MB21D2: variants seen among roughly 807,000 people sequenced by gnomAD.
MB21D2 encodes the protein nucleotidyltransferase MB21D2.
A neutral mutation model predicts 33.3 loss-of-function variants in MB21D2; 9 were observed. The ratio of observed to expected loss-of-function variants is 0.27; its 90% CI spans 0.16 to 0.47. The LOEUF (loss-of-function observed/expected upper bound fraction) is 0.47. Ranked by LOEUF, MB21D2 falls within the 20% of genes least tolerant of loss-of-function variation. The pLI is 0.99. For synonymous variants in MB21D2, 241 were observed against 236.3 expected (o/e 1.02, Z -0.18); for missense variants, 540 against 624.6 (o/e 0.86, Z 1.44).
At chr3:192,914,114 T>A (rs546512012) in intron 1 of MB21D2, among the ~76,000 whole-genome samples, 3 of 152,162 alleles carry the variant, frequency 2.0e-5, no homozygotes, top group African/African-American at 7.2e-5. Context: ...TAGTCTCAAG[T>A]AGGAGAAGAG....
intron 1 of MB21D2, among the ~76,000 whole-genome samples, chr3:192,811,088 T>TA (rs1711779145): frequency 6.6e-6 from 1 of 152,130 alleles, no homozygotes; most frequent in African/African-American, 2.4e-5. Flanking sequence ...GCAGGGGAGT[T>TA]AATGCAAGAG....
Position 192,828,653 on chromosome 3 carries a change from T to C in MB21D2, c.212-29003A>G, listed in dbSNP as rs1237861078. On this transcript the variant is annotated intron_variant, in intron 1 of 1. Coordinates refer to ENST00000392452, the MANE Select transcript of MB21D2 (RefSeq NM_178496.4). ...ATATATATATATATATATATATATA[T>C]ATATATATATTTTGAGACGGAGTCT... 3.1e-4 allele frequency among the ~76,000 whole-genome samples: 15 copies of C among 47,880 alleles called. 2 individuals are homozygous for C. The East Asian group carries it at 3.5e-3, about 11-fold the overall frequency. 31.4% of individuals were successfully genotyped at this position (47,880 alleles called of 152,430 possible).
intron 1 of MB21D2, among the ~76,000 whole-genome samples, chr3:192,882,126 T>C (rs1713609159): frequency 6.6e-6 from 1 of 152,150 alleles, no homozygotes. Flanking sequence ...AAACTGACAT[T>C]TAGTAATTTT....
At chr3:192,867,217 C>G (rs980405267) in intron 1 of MB21D2, among the ~76,000 whole-genome samples, 44 of 152,050 alleles carry the variant, frequency 2.9e-4, no homozygotes, top group Non-Finnish European at 3.4e-4. Context: ...ACCCCGACCT[C>G]CACACACCTC....
chr3:192,800,164 A>G (rs758633371), intron 1 of MB21D2, among the ~76,000 whole-genome samples: 6 of 152,072 alleles, frequency 3.9e-5, no homozygotes, highest in Non-Finnish European at 7.4e-5. Context: ...TCTTCTTTGT[A>G]CCAGCGGTTC....
intron 1 of MB21D2, among the ~76,000 whole-genome samples, chr3:192,898,509 C>A (rs1304319866): frequency 1.3e-5 from 2 of 152,136 alleles, no homozygotes; most frequent in Non-Finnish European, 2.9e-5. Flanking sequence ...CAAAACACAT[C>A]AAGGTATATA....
intron 1 of MB21D2, among the ~76,000 whole-genome samples, chr3:192,818,043 C>G (rs62293189): frequency 0.088 from 13,395 of 151,880 alleles, 627 homozygotes; most frequent in Middle Eastern, 0.14. Context: ...TGTGCCCTCC[C>G]TCCTTGCCTG....
At chr3:192,854,290 C>T (rs1186888344) in intron 1 of MB21D2, among the ~76,000 whole-genome samples, 1 of 152,178 alleles carries the variant, frequency 6.6e-6, no homozygotes, top group Non-Finnish European at 1.5e-5. Context: ...AGTTAAACAG[C>T]ATTGTTGTTA....
chr3:192,804,206 T>C (rs1711612730), intron 1 of MB21D2, among the ~76,000 whole-genome samples: 1 of 152,210 alleles, frequency 6.6e-6, no homozygotes, highest in Non-Finnish European at 1.5e-5. Context: ...ACTTATGTTC[T>C]AGTGAATAAA....
At position 192,799,161 on chromosome 3, in the gene MB21D2, T is replaced by C; in HGVS notation, c.701A>G (p.Asp234Gly). The C allele has an allele frequency of 6.2e-7, 1 of 1,614,162 alleles. No homozygotes were observed. Among genetic ancestry groups the C allele is most frequent in the Non-Finnish European group, 8.5e-7 (1 of 1,180,028 alleles). Residue 234 changes from aspartate (D) to glycine (G), a missense_variant, in exon 2 of 2, where the codon GAT becomes GGT. By Grantham distance (94) the Asp-to-Gly change is moderately conservative. Transcript: ENST00000392452. The surrounding 1 kb of genome is among the most constrained non-coding windows in gnomAD (Gnocchi z 4.1). ...LGVGSSRMLYDIVPVVSFKGW... is the reference protein window; with the variant it reads ...LGVGSSRMLYGIVPVVSFKGW... The stretch of plus-strand genomic sequence containing the variant: ...TTTGAAAGATACCACAGGGACAATA[T>C]CATACAACATGCGACTACTCCCTAC...
At chr3:192,851,143 A>C (rs1160177010) in intron 1 of MB21D2, among the ~76,000 whole-genome samples, 1 of 152,242 alleles carries the variant, frequency 6.6e-6, no homozygotes, top group Non-Finnish European at 1.5e-5. Context: ...CCTATAAACA[A>C]AATGAGGTAT....
chr3:192,905,455 G>A (rs367745164), intron 1 of MB21D2, among the ~76,000 whole-genome samples: 1 of 151,766 alleles, frequency 6.6e-6, no homozygotes, highest in African/African-American at 2.4e-5. Flanking sequence ...TGACCAACAT[G>A]GTGAAACCCC....
chr3:192,845,601 T>G (rs1184530988), intron 1 of MB21D2, among the ~76,000 whole-genome samples: 1 of 152,246 alleles, frequency 6.6e-6, no homozygotes, highest in Admixed American at 6.5e-5. Flanking sequence ...TTCCACACCC[T>G]AACGGGTTGA....
rs1012401916 is a variant in MB21D2, at chr3:192,900,709, G to A, written c.211+16921C>T. Among the ~76,000 whole-genome samples the A allele has an allele frequency of 2.5e-4, 38 of 152,238 alleles. 1 individual carries two copies. The highest frequency in any genetic ancestry group is 8.7e-4 in the African/African-American group (36 of 41,546). On this transcript the variant is annotated intron_variant, in intron 1 of 1. Coordinates refer to ENST00000392452, the MANE Select transcript of MB21D2 (RefSeq NM_178496.4). ...TGTAATCCCAGCACTTTAGGAGGCCGAGGCGAGCAGAGCACGAGGTCAGGA... is the reference window on the plus strand; with the variant it reads ...TGTAATCCCAGCACTTTAGGAGGCCAAGGCGAGCAGAGCACGAGGTCAGGA...
intron 1 of MB21D2, among the ~76,000 whole-genome samples, chr3:192,867,940 G>A (rs528054542): frequency 6.6e-6 from 1 of 152,296 alleles, no homozygotes; most frequent in Admixed American, 6.5e-5. Flanking sequence ...GGGGATGGGG[G>A]AGGAAGGAAG....
chr3:192,913,352 T>C (rs1232184771), intron 1 of MB21D2, among the ~76,000 whole-genome samples: 1 of 152,188 alleles, frequency 6.6e-6, no homozygotes, highest in Admixed American at 6.5e-5. Context: ...GAGCTGAGAC[T>C]GTACCACTGC....
At chr3:192,901,715 C>T (rs969525652) in intron 1 of MB21D2, among the ~76,000 whole-genome samples, 1 of 152,158 alleles carries the variant, frequency 6.6e-6, no homozygotes, top group Non-Finnish European at 1.5e-5. Context: ...ACTAAAGAGG[C>T]CAATCCCTTA....
intron 1 of MB21D2, among the ~76,000 whole-genome samples, chr3:192,885,173 C>G (rs1165596109): frequency 6.6e-6 from 1 of 152,022 alleles, no homozygotes; most frequent in Admixed American, 6.6e-5. Flanking sequence ...ACATTGTAAG[C>G]CCAATTTAAT....
chr3:192,876,542 T>C (rs1245172563), intron 1 of MB21D2, among the ~76,000 whole-genome samples: 4 of 152,228 alleles, frequency 2.6e-5, no homozygotes, highest in Non-Finnish European at 4.4e-5. Context: ...CCACAGTGGT[T>C]GGTCTTCCAA....
Sources: gnomAD v4.1 joint callset for allele counts (sites outside exome capture counted in the v4.1 genomes callset) on GRCh38, gnomAD v4.1.1 for gene constraint, Gnocchi (gnomAD v3.1) non-coding constraint, MANE v1.5 for transcripts, NCBI Gene and HGNC (gene_info 2026-07-23, HGNC 2026-07-21) for gene names.